MYO5B: variants seen among roughly 807,000 people sequenced by gnomAD.
The protein encoded by MYO5B is myosin VB.
MYO5B carries 143 observed loss-of-function variants against 229.3 expected under a neutral mutation model. That is an observed-to-expected ratio of 0.62 (90% CI 0.54 to 0.72). MYO5B has a LOEUF of 0.72. MYO5B is among the 30% of genes least tolerant of loss of function. The pLI is 0.00. For missense variants in MYO5B, 2,321 were observed against 2,331.0 expected, an observed-to-expected ratio of 1.00 and a Z score of 0.09; for synonymous variants, 918 against 885.2, an observed-to-expected ratio of 1.04 and a Z score of -0.66.
intron 2 of MYO5B, among the ~76,000 whole-genome samples, chr18:50,043,646 TATAA>T: frequency 7.3e-6 from 1 of 137,238 alleles, no homozygotes; most frequent in South Asian, 2.2e-4. Context: ...TAAATATATT[TATAA>T]ATATGTAAAT....
chr18:50,041,829 G>A (rs571344456), intron 2 of MYO5B, among the ~76,000 whole-genome samples: 3 of 152,112 alleles, frequency 2.0e-5, no homozygotes, highest in Admixed American at 6.5e-5. Flanking sequence ...CATTTGCAAA[G>A]TCAAATGGGA....
chr18:49,978,650 C>G (rs1419666865), intron 9 of MYO5B, among the ~76,000 whole-genome samples: 2 of 150,588 alleles, frequency 1.3e-5, no homozygotes, highest in Non-Finnish European at 3.0e-5. Context: ...CCTACTCTTT[C>G]AGAGTTTGGA....
chr18:50,188,797 A>AC (rs2033186997), intron 1 of MYO5B, among the ~76,000 whole-genome samples: 8 of 61,426 alleles, frequency 1.3e-4, no homozygotes, highest in African/African-American at 3.0e-4. Flanking sequence ...AAAAAAAAAA[A>AC]AAAAAAAAAA....
chr18:50,030,397 T>C (rs1368848016), intron 4 of MYO5B, among the ~76,000 whole-genome samples: 1 of 152,144 alleles, frequency 6.6e-6, no homozygotes, highest in South Asian at 2.1e-4. Flanking sequence ...TCACTTCCAC[T>C]CATACTATCA....
At chr18:49,892,531 T>C (rs2024727528) in intron 22 of MYO5B, among the ~76,000 whole-genome samples, 1 of 152,230 alleles carries the variant, frequency 6.6e-6, no homozygotes, top group South Asian at 2.1e-4. Context: ...GCCCCCTCAC[T>C]GTGCTTGGCT....
At chr18:49,912,379 C>T (rs567059283) in intron 17 of MYO5B, among the ~76,000 whole-genome samples, 1 of 152,202 alleles carries the variant, frequency 6.6e-6, no homozygotes, top group South Asian at 2.1e-4. Context: ...GGAATTGTGG[C>T]TGGAGGGCTG....
chr18:50,001,284 T>C lies in MYO5B; in HGVS notation c.583A>G (p.Lys195Glu), dbSNP rs761003896. 3.1e-6 allele frequency: 5 copies of C among 1,614,140 alleles called. No individual in the cohort carries two copies. In the South Asian group the frequency reaches 3.3e-5, roughly 11 times the overall value. Residue 195 changes from lysine (K) to glutamate (E), a missense_variant, in exon 5 of 40, where the codon AAG becomes GAG. Physicochemically the swap from Lys to Glu is moderately conservative, Grantham distance 56. Coordinates refer to ENST00000285039, the MANE Select transcript of MYO5B (RefSeq NM_001080467.3). ...GSASETNIEEKVLASSPIMEA... is the reference protein window; with the variant it reads ...GSASETNIEEEVLASSPIMEA... ...ATGATGGGACTGGATGCCAGCACCT[T>C]CTCTTCGATGTTGGTTTCACTGGCC...
intron 12 of MYO5B, among the ~76,000 whole-genome samples, chr18:49,961,901 A>G (rs1205383986): frequency 2.0e-5 from 3 of 152,180 alleles, no homozygotes; most frequent in Non-Finnish European, 4.4e-5. Context: ...ACGTGGCATT[A>G]GCAATCCCAG....
At chr18:49,945,115 G>A (rs1787591) in intron 14 of MYO5B, among the ~76,000 whole-genome samples, 89,045 of 151,850 alleles carry the variant, frequency 0.59, 26,577 homozygotes, top group Middle Eastern at 0.73. Flanking sequence ...CCTCCCACGG[G>A]GCTTTTTCCT....
At chr18:50,107,686 G>C (rs1188284113) in intron 1 of MYO5B, among the ~76,000 whole-genome samples, 1 of 152,154 alleles carries the variant, frequency 6.6e-6, no homozygotes, top group Non-Finnish European at 1.5e-5. Context: ...CACATCTGTG[G>C]AGCAACAGAA....
chr18:50,086,181 T>A (rs1017620257), intron 1 of MYO5B, among the ~76,000 whole-genome samples: 2 of 152,178 alleles, frequency 1.3e-5, no homozygotes, highest in African/African-American at 4.8e-5. Context: ...TTATGGCCTA[T>A]TTCTACTCAC....
At chr18:50,140,526 C>T (rs947353782) in intron 1 of MYO5B, among the ~76,000 whole-genome samples, 10 of 152,152 alleles carry the variant, frequency 6.6e-5, no homozygotes, top group Admixed American at 1.3e-4. Flanking sequence ...ATTCCACACC[C>T]GCTATAGGAA....
intron 1 of MYO5B, among the ~76,000 whole-genome samples, chr18:50,078,754 C>T (rs147593615): frequency 6.6e-6 from 1 of 152,268 alleles, no homozygotes; most frequent in Non-Finnish European, 1.5e-5. Context: ...TGCCCAAAAG[C>T]AATGCACACG....
chr18:50,146,275 C>A (rs1412335506), intron 1 of MYO5B, among the ~76,000 whole-genome samples: 1 of 152,236 alleles, frequency 6.6e-6, no homozygotes, highest in African/African-American at 2.4e-5. Context: ...GTGGCGAAGT[C>A]ACCTGCCCAA....
chr18:49,849,768 G>A (rs750220786), intron 31 of MYO5B, 108 bp from the exon 32 acceptor site: 24 of 836,382 alleles, frequency 2.9e-5, no homozygotes, highest in Admixed American at 1.5e-4. Flanking sequence ...ATGGGCAGCC[G>A]TCAGAAATGC....
At chr18:49,948,266 A>C (rs1269294603) in intron 14 of MYO5B, among the ~76,000 whole-genome samples, 2 of 42,496 alleles carry the variant, frequency 4.7e-5, no homozygotes, top group Non-Finnish European at 8.5e-5. Context: ...GGCTGTAAAC[A>C]TAATAAACAC....
chr18:50,151,191 G>GA (rs999674416), intron 1 of MYO5B, among the ~76,000 whole-genome samples: 6 of 152,052 alleles, frequency 3.9e-5, no homozygotes, highest in African/African-American at 7.2e-5. Context: ...ACTCCCACAG[G>GA]AAAAAACAGT....
chr18:50,136,272 G>A (rs374401067), intron 1 of MYO5B, among the ~76,000 whole-genome samples: 2 of 151,752 alleles, frequency 1.3e-5, no homozygotes, highest in South Asian at 2.1e-4. Flanking sequence ...GAGTGGCCAC[G>A]TTAGGGTCTA....
At chr18:50,083,786 T>C (rs1159101748) in intron 1 of MYO5B, among the ~76,000 whole-genome samples, 1 of 152,180 alleles carries the variant, frequency 6.6e-6, no homozygotes. Context: ...GTAAAACCTC[T>C]AGTGGGTGTC....
Sources: allele counts gnomAD v4.1 joint callset (sites outside exome capture counted in the v4.1 genomes callset), GRCh38; gene constraint gnomAD v4.1.1; transcripts MANE v1.5; gene names NCBI Gene and HGNC (gene_info 2026-07-23, HGNC 2026-07-21).